The following MYO15A variants were observed in gnomAD, a reference collection of about 807,000 sequenced individuals.
MYO15A encodes the protein myosin XVA.
A neutral mutation model predicts 394.6 loss-of-function variants in MYO15A; 308 were observed. That is an observed-to-expected ratio of 0.78 (90% CI 0.71 to 0.86). The LOEUF is 0.86. Among genes scored for constraint, MYO15A ranks in the 40% least tolerant of loss-of-function variants. The pLI is 0.00. For synonymous variants in MYO15A, 1,957 were observed against 2,003.8 expected, an observed-to-expected ratio of 0.98 and a Z score of 0.62; for missense variants, 4,606 against 4,799.1, an observed-to-expected ratio of 0.96 and a Z score of 1.19.
Position 18,156,941 on chromosome 17 carries a change from C to T in MYO15A, c.8602-13C>T. ...TAGGGCTGTTGCCCTCACCCTGCCT[C>T]TGGCTGACCCAGGACTCTGACTACG... is the stretch of plus-strand genomic sequence containing the variant. On this transcript the variant is annotated splice_polypyrimidine_tract_variant and intron_variant, in intron 48 of 65. Coordinates refer to ENST00000647165, the MANE Select transcript of MYO15A (RefSeq NM_016239.4). 2 of 1,613,556 alleles carry T rather than the reference C, an allele frequency of 1.2e-6. No homozygotes were observed. Among genetic ancestry groups the T allele is most frequent in the South Asian group, 1.1e-5 (1 of 91,072 alleles).
At position 18,137,707 on chromosome 17, in the gene MYO15A, C is replaced by T. The variant is rs540656408; in HGVS notation, c.4875+28C>T. The T allele has an allele frequency of 4.4e-6, 7 of 1,607,728 alleles. No individual in the cohort carries two copies. The Admixed American group carries it at 1.2e-4, about 27-fold the overall frequency. ...GTGTGGGCCCCATTAATACTCCTGT[C>T]CCTGTCTTGACTGGCCAGTGGACCT... On this transcript the variant is annotated intron_variant, in intron 16 of 65. Transcript: ENST00000647165.
At chr17:18,176,028 G>A (rs2047009536) in intron 65 of MYO15A, among the ~76,000 whole-genome samples, 1 of 152,100 alleles carries the variant, frequency 6.6e-6, no homozygotes, top group African/African-American at 2.4e-5. Context: ...TTGGGTTTCA[G>A]CACAAATATC....
Position 18,142,254 on chromosome 17 carries a change from G to A in MYO15A, c.5825G>A (p.Arg1942Lys). 6.2e-7 allele frequency: 1 copy of A among 1,611,880 alleles called. No individual in the cohort carries two copies. Among genetic ancestry groups the A allele is most frequent in the Non-Finnish European group, 8.5e-7 (1 of 1,179,632 alleles). Residue 1942 changes from arginine to lysine, a missense_variant and splice_region_variant, in exon 24 of 66, where the codon AGG becomes AAG. Physicochemically the swap from Arg to Lys is conservative, Grantham distance 26. Around this residue, in one of 2 missense-constraint regions of MYO15A, gnomAD observed 2,776 missense variants for 3,109.3 expected, o/e 0.89. Transcript: ENST00000647165. ...AGCCGGGCCCGTGGCTACCTTGCCA[G>A]GTGAGGCACAGAAAAGGCAGGATTC... is the stretch of plus-strand genomic sequence containing the variant. ...LQSRARGYLARQRYQQMRRSL... is the reference protein window; with the variant it reads ...LQSRARGYLAKQRYQQMRRSL...
chr17:18,151,037 A>G, intron 38 of MYO15A, 73 bp from the exon 39 acceptor site: 1 of 1,606,896 alleles, frequency 6.2e-7, no homozygotes, highest in South Asian at 1.1e-5. Flanking sequence ...CCCATCTCTG[A>G]CAGAGATCTG....
At chr17:18,111,983 T>C (rs2045727649) in intron 1 of MYO15A, among the ~76,000 whole-genome samples, 1 of 152,198 alleles carries the variant, frequency 6.6e-6, no homozygotes, top group Non-Finnish European at 1.5e-5. Flanking sequence ...AGAGCTGGGC[T>C]TGCCTCTCTG....
intron 35 of MYO15A, chr17:18,149,964 A>AAG (rs1003556788): frequency 5.4e-5 from 17 of 313,790 alleles, no homozygotes; most frequent in Non-Finnish European, 9.0e-5. Flanking sequence ...AAAAAAAAAA[A>AAG]AAAAAAAGAA....
intron 4 of MYO15A, chr17:18,125,517 A>AC (rs2046017970): frequency 2.3e-5 from 9 of 390,104 alleles, no homozygotes; most frequent in East Asian, 5.3e-5. Context: ...ACACGGTGAA[A>AC]CCCCCTCTCT....
rs2046658558 is a variant in MYO15A at position 18,155,373 on chromosome 17, G to A, written c.8400G>A (p.Leu2800=). The A allele has an allele frequency of 6.2e-7, 1 of 1,613,786 alleles. No homozygotes were observed. The highest frequency in any genetic ancestry group is 1.3e-5 in the African/African-American group (1 of 75,058). ...LAVSHVGIKL[L]RMVKGGQEAG... The stretch of plus-strand genomic sequence containing the variant: ...TGTCCCACGTGGGCATCAAACTCCT[G>A]AGGATGGTCAAGGGTGGCCAGGAGG... The change falls in exon 47 of 66, where the codon CTG becomes CTA. Residue 2800 remains leucine (L), a synonymous_variant. Transcript: ENST00000647165.
Position 18,121,539 on chromosome 17 carries a change from C to T in MYO15A, c.2739C>T (p.Pro913=), listed in dbSNP as rs1158843044. Residue 913 remains proline, a synonymous_variant, in exon 2 of 66, where the codon CCC becomes CCT. Coordinates refer to ENST00000647165, the MANE Select transcript of MYO15A (RefSeq NM_016239.4). This position sits in a 1 kb window ranked among gnomAD's most constrained non-coding sequence, Gnocchi z 5.3. ...AACACCGGGAGAGCCCGCGAGAACCCGAGGACTCAGAGACGCCCTGGACTG... is the reference window on the plus strand; with the variant it reads ...AACACCGGGAGAGCCCGCGAGAACCTGAGGACTCAGAGACGCCCTGGACTG... ...PLEHRESPRE[P]EDSETPWTVP... is the part of the protein sequence containing the mutation. The T allele has an allele frequency of 1.3e-6, 2 of 1,575,402 alleles. No individual in the cohort carries two copies. Among genetic ancestry groups the T allele is most frequent in the South Asian group, 2.3e-5 (2 of 85,682 alleles).
At chr17:18,171,929 T>C (rs976535779) in intron 63 of MYO15A, among the ~76,000 whole-genome samples, 158 bp downstream of exon 63, 60 of 152,174 alleles carry the variant, frequency 3.9e-4, no homozygotes, top group African/African-American at 1.3e-3. Flanking sequence ...CTTTACATTA[T>C]GGAGATGTCA....
intron 3 of MYO15A, 64 bp from the exon 4 acceptor site, chr17:18,125,104 G>C: frequency 2.7e-6 from 4 of 1,487,542 alleles, no homozygotes; most frequent in Non-Finnish European, 3.8e-6. Context: ...ACTGAGTTGG[G>C]GAGGGAGACC....
In MYO15A at chr17:18,154,141, C is replaced by G; in HGVS notation, c.8099C>G (p.Pro2700Arg). 1.2e-6 allele frequency: 2 copies of G among 1,614,036 alleles called. No individual in the cohort carries two copies. Among genetic ancestry groups the G allele is most frequent in the Non-Finnish European group, 1.7e-6 (2 of 1,180,020 alleles). Residue 2700 changes from proline (P) to arginine (R), a missense_variant, in exon 44 of 66, where the codon CCC (proline) becomes CGC (arginine). By Grantham distance (103) the Pro-to-Arg change is moderately radical (BLOSUM62 -2). Transcript: ENST00000647165. ...GCCCCGCCCCTGCAGGTGTTTTACC[C>G]CAAGGACAGCTACAGCCATCCTGTG... ...KIFLRKEVFYPKDSYSHPVQL... is the reference protein window; with the variant it reads ...KIFLRKEVFYRKDSYSHPVQL...
intron 40 of MYO15A, 135 bp downstream of exon 40, chr17:18,151,662 C>T (rs2046585104): frequency 2.4e-6 from 3 of 1,240,558 alleles, no homozygotes; most frequent in Admixed American, 3.9e-5. Flanking sequence ...ACTGATGAGT[C>T]CAGATGAGGC....
Position 18,148,814 on chromosome 17 carries a change from A to G in MYO15A, c.6818A>G (p.Gln2273Arg), listed in dbSNP as rs779417389. The part of the protein sequence containing the change: ...GWTVAMKNGV[Q>R]WAELAGHDYV... ...ACCGTGGCCATGAAGAATGGTGTCC[A>G]GTGGGCAGAGCTGGCTGGCCACGAC... is the stretch of plus-strand genomic sequence containing the variant. The change falls in exon 33 of 66, where the codon CAG becomes CGG. Residue 2273 changes from glutamine (Q) to arginine (R), a missense_variant. Physicochemically the swap from Gln to Arg is conservative, Grantham distance 43. Coordinates refer to ENST00000647165, the MANE Select transcript of MYO15A (RefSeq NM_016239.4). The surrounding 1 kb of genome is among the most constrained non-coding windows in gnomAD (Gnocchi z 4.8). The G allele has an allele frequency of 2.5e-6, 4 of 1,605,904 alleles. No homozygotes were observed. The highest frequency in any genetic ancestry group is 2.6e-6 in the Non-Finnish European group (3 of 1,176,188).
intron 19 of MYO15A, 70 bp from the exon 20 acceptor site, chr17:18,140,445 GCT>G: frequency 6.2e-7 from 1 of 1,601,000 alleles, no homozygotes; most frequent in Non-Finnish European, 8.5e-7. Context: ...ATTTACTCCT[GCT>G]CTCTCTTCCT....
rs910775057 is a variant in MYO15A, at chr17:18,141,057, A to T, written c.5445A>T (p.Gln1815His). 6.2e-7 allele frequency: 1 copy of T among 1,613,942 alleles called. No individual in the cohort carries two copies. Residue 1815 changes from glutamine to histidine, a missense_variant, in exon 22 of 66, where the codon CAA (glutamine) becomes CAT (histidine). Transcript: ENST00000647165. ...TTGAGCCAGATGTGGTAATGGCACA[A>T]TTACGCTATTCAGGGGTGCTGGAGA... The part of the protein sequence containing the change: ...GLFEPDVVMA[Q>H]LRYSGVLETV...
intron 24 of MYO15A, 91 bp from the exon 25 acceptor site, chr17:18,142,664 TC>T: frequency 1.8e-6 from 2 of 1,114,868 alleles, no homozygotes; most frequent in Admixed American, 3.8e-5. Flanking sequence ...GGGCACTGGC[TC>T]CCAGGCCAGG....
Position 18,132,418 on chromosome 17 carries a change from G to A in MYO15A, c.4207-35G>A, listed in dbSNP as rs74334274. On this transcript the variant is annotated intron_variant, in intron 10 of 65. Transcript: ENST00000647165. The surrounding 1 kb of genome is among the most constrained non-coding windows in gnomAD (Gnocchi z 4.6). ...TGCCTGGGGGTCACCTAGGTAGGTG[G>A]CTCCCTTCTCTGTGCCCACCTACCC... 1.8e-5 allele frequency: 28 copies of A among 1,563,208 alleles called. No individual in the cohort carries two copies. The South Asian group carries it at 3.0e-4, about 17-fold the overall frequency.
At chr17:18,127,454 G>T (rs2046069934) in intron 7 of MYO15A, among the ~76,000 whole-genome samples, 1 of 152,156 alleles carries the variant, frequency 6.6e-6, no homozygotes, top group Non-Finnish European at 1.5e-5. Context: ...TAGGGAAGGG[G>T]AGTCATCCCA....
Sources: gnomAD v4.1 joint callset for allele counts (sites outside exome capture counted in the v4.1 genomes callset) on GRCh38, gnomAD v4.1.1 for gene constraint, gnomAD v4.1.1 regional missense constraint, Gnocchi (gnomAD v3.1) non-coding constraint, MANE v1.5 for transcripts, NCBI Gene and HGNC (gene_info 2026-07-23, HGNC 2026-07-21) for gene names.